CREB5: variants seen among roughly 807,000 people sequenced by gnomAD.
The protein encoded by CREB5 is cyclic AMP-responsive element-binding protein 5.
In CREB5, 19 loss-of-function variants were observed where a neutral mutation model predicts 57.1. That is an observed-to-expected ratio of 0.33 (90% CI 0.23 to 0.49). The LOEUF (loss-of-function observed/expected upper bound fraction) is 0.49, where lower values mean the gene tolerates loss of function less well. CREB5 is among the 20% of genes least tolerant of loss of function. The pLI is 0.99. For missense variants in CREB5, 579 were observed against 671.6 expected, an observed-to-expected ratio of 0.86 and a Z score of 1.52; for synonymous variants, 238 against 238.3, an observed-to-expected ratio of 1.00 and a Z score of 0.01.
chr7:28,814,782 C>A (rs1304454242), intron 9 of CREB5, among the ~76,000 whole-genome samples: 1 of 152,134 alleles, frequency 6.6e-6, no homozygotes, highest in Non-Finnish European at 1.5e-5. Flanking sequence ...AGTGAGAGTT[C>A]CTTTTCCTAC....
intron 4 of CREB5, among the ~76,000 whole-genome samples, chr7:28,526,654 G>A (rs766291615): frequency 3.3e-5 from 5 of 152,174 alleles, no homozygotes; most frequent in Non-Finnish European, 7.4e-5. Flanking sequence ...AGAGTCCATG[G>A]TTTAGGCAAA....
intron 1 of CREB5, among the ~76,000 whole-genome samples, chr7:28,376,271 C>CTT (rs11386292): frequency 0.029 from 3,771 of 130,544 alleles, 132 homozygotes; most frequent in Middle Eastern, 0.047. Flanking sequence ...CAGAGAAGTA[C>CTT]TTTTTTTTTT....
intron 1 of CREB5, among the ~76,000 whole-genome samples, chr7:28,301,269 A>T (rs1352455227): frequency 6.6e-6 from 1 of 152,182 alleles, no homozygotes; most frequent in Non-Finnish European, 1.5e-5. Flanking sequence ...CAAGTACATG[A>T]GGGGAAGAAT....
chr7:28,458,086 C>T (rs183116970), intron 1 of CREB5, among the ~76,000 whole-genome samples: 11 of 152,166 alleles, frequency 7.2e-5, no homozygotes, highest in South Asian at 6.2e-4. Flanking sequence ...GGCTCAGAAA[C>T]GGGGGGCCAA....
At chr7:28,582,447 G>A (rs1295941993) in intron 5 of CREB5, among the ~76,000 whole-genome samples, 1 of 152,100 alleles carries the variant, frequency 6.6e-6, no homozygotes, top group African/African-American at 2.4e-5. Context: ...TAACTTTTAC[G>A]TCAAAGACCC....
intron 5 of CREB5, among the ~76,000 whole-genome samples, chr7:28,654,187 A>G (rs537129311): frequency 4.0e-4 from 61 of 152,292 alleles, no homozygotes; most frequent in Non-Finnish European, 6.3e-4. Flanking sequence ...AAGATATACT[A>G]TAGCACATAC....
intron 4 of CREB5, among the ~76,000 whole-genome samples, chr7:28,560,989 T>TGTGCGC (rs1795232642): frequency 2.9e-5 from 1 of 34,758 alleles, no homozygotes; most frequent in African/African-American, 7.2e-5. Flanking sequence ...TGCGTGCGTG[T>TGTGCGC]GTGTGCCTGC....
chr7:28,818,115 G>C lies in CREB5; in HGVS notation c.1299G>C (p.Gln433His), dbSNP rs763163341. ...MLKNEVAQLK[Q>H]LLLTHKDCPI... ...AAAATGAGGTGGCCCAGCTGAAACAGTTGTTGTTAACACATAAAGACTGCC... is the reference window on the plus strand; with the variant it reads ...AAAATGAGGTGGCCCAGCTGAAACACTTGTTGTTAACACATAAAGACTGCC... The change falls in exon 10 of 11, where the codon CAG becomes CAC. Residue 433 changes from glutamine (Q) to histidine (H), a missense_variant. Around this residue, in one of 3 missense-constraint regions of CREB5, gnomAD observed 114 missense variants for 130.8 expected, o/e 0.87. Transcript: ENST00000357727. The C allele has an allele frequency of 1.7e-5, 28 of 1,613,702 alleles. No homozygotes were observed. The highest frequency in any genetic ancestry group is 2.3e-5 in the Non-Finnish European group (27 of 1,179,758).
chr7:28,679,052 C>CTTTTTTTTTTTTTT (rs56266854), intron 5 of CREB5, among the ~76,000 whole-genome samples: 1 of 123,858 alleles, frequency 8.1e-6, no homozygotes, highest in Non-Finnish European at 1.6e-5. Context: ...TTTTGTAGTT[C>CTTTTTTTTTTTTTT]TTTTTTTTTT....
intron 5 of CREB5, among the ~76,000 whole-genome samples, chr7:28,651,681 T>A (rs953361847): frequency 1.2e-4 from 18 of 152,224 alleles, no homozygotes; most frequent in African/African-American, 4.3e-4. Flanking sequence ...GTGTCAGACG[T>A]AAGCTTTTGC....
intron 5 of CREB5, among the ~76,000 whole-genome samples, chr7:28,635,648 ACTT>A (rs1159034469): frequency 6.6e-6 from 1 of 152,198 alleles, no homozygotes; most frequent in East Asian, 1.9e-4. Context: ...TTTCTTGTGT[ACTT>A]CTTTCTGCCT....
chr7:28,670,964 T>C (rs1800013692), intron 5 of CREB5, among the ~76,000 whole-genome samples: 1 of 152,136 alleles, frequency 6.6e-6, no homozygotes, highest in Non-Finnish European at 1.5e-5. Context: ...TTTTTGATAA[T>C]GGACTGTTGC....
At chr7:28,725,947 T>C (rs567275393) in intron 7 of CREB5, among the ~76,000 whole-genome samples, 1 of 152,326 alleles carries the variant, frequency 6.6e-6, no homozygotes. Flanking sequence ...GACTCAAAAG[T>C]GTCCTTCTTC....
rs76034715 is a variant in CREB5 at position 28,757,938 on chromosome 7, T to C, written c.702+33606T>C. On this transcript the variant is annotated intron_variant, in intron 7 of 10. Coordinates refer to ENST00000357727, the MANE Select transcript of CREB5 (RefSeq NM_182898.4). ...GTTGGGCCATTTTGGATTTTGGATT[T>C]TTGGATTAGGGGTGTTCAATCTGTA... Among the ~76,000 whole-genome samples, 1,333 of 152,272 alleles carry C rather than the reference T, an allele frequency of 8.8e-3. 18 individuals carry two copies. The highest frequency in any genetic ancestry group is 0.052 in the South Asian group (249 of 4,816).
chr7:28,597,907 T>C (rs1356725882), intron 5 of CREB5, among the ~76,000 whole-genome samples: 1 of 152,196 alleles, frequency 6.6e-6, no homozygotes, highest in African/African-American at 2.4e-5. Context: ...ATTTGAATTC[T>C]GAGAAGGTAG....
chr7:28,570,982 C>T (rs896996377), intron 5 of CREB5, among the ~76,000 whole-genome samples: 5 of 151,982 alleles, frequency 3.3e-5, no homozygotes, highest in Middle Eastern at 3.2e-3. Flanking sequence ...CCTCCCTGTC[C>T]GTGAGAGATA....
chr7:28,533,840 C>T (rs1176834114), intron 4 of CREB5, among the ~76,000 whole-genome samples: 1 of 152,176 alleles, frequency 6.6e-6, no homozygotes, highest in African/African-American at 2.4e-5. Context: ...CCTCTTCTTC[C>T]TCCTCTTCTC....
upstream of CREB5, chr7:28,410,479 T>C: frequency 2.2e-6 from 1 of 456,634 alleles, no homozygotes; most frequent in Non-Finnish European, 4.4e-6. Flanking sequence ...CAAGGAGATG[T>C]TTTCTCTCAG....
At chr7:28,569,955 A>G (rs1318851197) in intron 4 of CREB5, among the ~76,000 whole-genome samples, 1 of 152,208 alleles carries the variant, frequency 6.6e-6, no homozygotes, top group East Asian at 1.9e-4. Context: ...AATGAAAGGG[A>G]AAAAGCCAGT....
Sources: gnomAD v4.1 joint callset for allele counts (sites outside exome capture counted in the v4.1 genomes callset) on GRCh38, gnomAD v4.1.1 for gene constraint, gnomAD v4.1.1 regional missense constraint, MANE v1.5 for transcripts, NCBI Gene and HGNC (gene_info 2026-07-23, HGNC 2026-07-21) for gene names.